PKHD1L1: variants seen among roughly 807,000 people sequenced by gnomAD.
PKHD1L1 encodes the protein PKHD1 like 1.
Under a neutral mutation model 462.9 loss-of-function variants are expected in PKHD1L1, and 434 were observed. That is an observed-to-expected ratio of 0.94 (90% confidence interval 0.87 to 1.02). The LOEUF (loss-of-function observed/expected upper bound fraction) is 1.02. PKHD1L1 is among the 50% of genes least tolerant of loss of function. PKHD1L1 has a pLI of 0.00. For synonymous variants in PKHD1L1, 1,781 were observed against 1,750.0 expected (o/e 1.02, Z -0.44); for missense variants, 5,202 against 5,096.1 (o/e 1.02, Z -0.63).
intron 3 of PKHD1L1, among the ~76,000 whole-genome samples, 166 bp downstream of exon 3, chr8:109,381,680 T>G (rs1812124820): frequency 6.6e-6 from 1 of 152,152 alleles, no homozygotes; most frequent in Non-Finnish European, 1.5e-5. Flanking sequence ...TTTTATGCAT[T>G]TATTATATTC....
Position 109,475,229 on chromosome 8 carries a change from T to TA in PKHD1L1, c.8719dup (p.Thr2907AsnfsTer23). 6.2e-7 allele frequency: 1 copy of TA among 1,610,830 alleles called. No homozygotes were observed. Among genetic ancestry groups the TA allele is most frequent in the South Asian group, 1.1e-5 (1 of 90,828 alleles). On this transcript the variant is annotated frameshift_variant, in exon 51 of 78. Transcript: ENST00000378402. LOFTEE classifies it high-confidence loss of function. Reference sequence around the variant, plus strand: ...TGGTATTTTAAAGGTGTGGATCACATAACCAACATTTCATATACATCGACA... The same window carrying TA: ...TGGTATTTTAAAGGTGTGGATCACATAAACCAACATTTCATATACATCGACA...
At chr8:109,524,873 C>G (rs1030359217) in intron 76 of PKHD1L1, among the ~76,000 whole-genome samples, 1 of 150,730 alleles carries the variant, frequency 6.6e-6, no homozygotes, top group African/African-American at 2.4e-5. Flanking sequence ...CCCTCCCCCT[C>G]TGTCCTCTCT....
chr8:109,507,742 T>C lies in PKHD1L1; in HGVS notation c.11074T>C (p.Phe3692Leu). 6.2e-7 allele frequency: 1 copy of C among 1,613,554 alleles called. No homozygotes were observed. Residue 3692 changes from phenylalanine (F) to leucine (L), a missense_variant, in exon 69 of 78, where the codon TTT becomes CTT. This residue lies in a region of PKHD1L1 where 698 missense variants were observed against 736.3 expected (regional missense o/e 0.95). Transcript: ENST00000378402. ...KSFLRDIDGS[F>L]LGNAGSVIPQ... ...TTTTCTTAGAGACATAGATGGCTCCTTTCTGGGGAATGCTGGTTCTGTGAT... is the reference window on the plus strand; with the variant it reads ...TTTTCTTAGAGACATAGATGGCTCCCTTCTGGGGAATGCTGGTTCTGTGAT...
chr8:109,525,723 A>T (rs1419787294), intron 76 of PKHD1L1, among the ~76,000 whole-genome samples: 2 of 152,094 alleles, frequency 1.3e-5, no homozygotes, highest in Non-Finnish European at 2.9e-5. Flanking sequence ...AAAAATTAAT[A>T]AAAAAATTCA....
intron 67 of PKHD1L1, among the ~76,000 whole-genome samples, chr8:109,503,939 C>T (rs115449690): frequency 0.025 from 3,752 of 152,098 alleles, 140 homozygotes; most frequent in African/African-American, 0.084. Context: ...TTAGCTGGGG[C>T]GATAGGAGTG....
At chr8:109,398,865 A>G (rs1813109077) in intron 12 of PKHD1L1, among the ~76,000 whole-genome samples, 1 of 152,158 alleles carries the variant, frequency 6.6e-6, no homozygotes, top group African/African-American at 2.4e-5. Context: ...GGTATAGTCT[A>G]CATAGAAATT....
rs1203636458 is a variant in PKHD1L1 at position 109,443,841 on chromosome 8, C to G, written c.4730C>G (p.Thr1577Arg). The stretch of plus-strand genomic sequence containing the variant: ...AGCAACATTACTCCGTCCACTGGAA[C>G]AGTAAATGAACTAATAACAATTATT... ...SISNITPSTG[T>R]VNELITIIGH... Residue 1577 changes from threonine to arginine, a missense_variant, in exon 37 of 78, where the codon ACA (threonine) becomes AGA (arginine). Physicochemically the swap from Thr to Arg is moderately conservative, Grantham distance 71. Transcript: ENST00000378402. The G allele has an allele frequency of 6.2e-7, 1 of 1,613,842 alleles. No individual in the cohort carries two copies. The highest frequency in any genetic ancestry group is 8.5e-7 in the Non-Finnish European group (1 of 1,179,756).
At chr8:109,471,025 G>A (rs1817688236) in intron 50 of PKHD1L1, 2 of 1,607,446 alleles carry the variant, frequency 1.2e-6, no homozygotes, top group Admixed American at 3.3e-5. Flanking sequence ...CACCACTTAA[G>A]TCAATACAGG....
At chr8:109,419,343 GGATA>G in intron 22 of PKHD1L1, 83 bp downstream of exon 22, 2 of 1,054,508 alleles carry the variant, frequency 1.9e-6, no homozygotes, top group Admixed American at 3.0e-5. Context: ...TCTGCAGTAT[GGATA>G]GAAACATTAA....
In PKHD1L1 at chr8:109,523,307, C is replaced by T; in HGVS notation, c.12405C>T (p.Val4135=). 2 of 1,612,014 alleles carry T rather than the reference C, an allele frequency of 1.2e-6. No homozygotes were observed. The highest frequency in any genetic ancestry group is 1.7e-6 in the Non-Finnish European group (2 of 1,178,740). The stretch of plus-strand genomic sequence containing the variant: ...TCAAGGACTCCAATAATAACCAAGT[C>T]AATGGCCTTAGTGGAAATACAACAA... ...AILKDSNNNQ[V]NGLSGNTTIP... Residue 4135 remains valine, a synonymous_variant, in exon 76 of 78, where the codon GTC becomes GTT. Coordinates refer to ENST00000378402, the MANE Select transcript of PKHD1L1 (RefSeq NM_177531.6).
chr8:109,400,640 A>G (rs1263446261), intron 13 of PKHD1L1, among the ~76,000 whole-genome samples: 2 of 152,062 alleles, frequency 1.3e-5, no homozygotes, highest in East Asian at 3.8e-4. Flanking sequence ...ATTTAATTTC[A>G]TATGTAGTTT....
At chr8:109,454,119 T>C in intron 43 of PKHD1L1, 48 bp from the exon 44 acceptor site, 1 of 1,236,430 alleles carries the variant, frequency 8.1e-7, no homozygotes, top group Non-Finnish European at 1.1e-6. Context: ...AGGTAACTTT[T>C]AACAAGATTT....
At chr8:109,390,540 G>A in intron 9 of PKHD1L1, 46 bp downstream of exon 9, 1 of 1,086,898 alleles carries the variant, frequency 9.2e-7, no homozygotes, top group Admixed American at 3.0e-5. Context: ...ATTCAACAGG[G>A]TAAATAAGAT....
rs745786494 is a variant in PKHD1L1, at chr8:109,454,757, C to T, written c.6779C>T (p.Ala2260Val). 1.2e-5 allele frequency: 20 copies of T among 1,613,686 alleles called. No individual in the cohort carries two copies. In the African/African-American group the frequency reaches 2.3e-4, roughly 18 times the overall value. The change falls in exon 45 of 78, where the codon GCT becomes GTT. Residue 2260 changes from alanine (A) to valine (V), a missense_variant. Physicochemically the swap from Ala to Val is moderately conservative, Grantham distance 64. Transcript: ENST00000378402. ...GTETSPFQHK[A>V]VITLHGHLRS... ...GAGACATCCCCATTCCAACACAAGG[C>T]TGTCATTACCTTGCATGGTCACCTG...
In PKHD1L1 at chr8:109,535,150, G is replaced by A. The variant is rs1044687787; in HGVS notation, c.*5060G>A. Among the ~76,000 whole-genome samples, 20 of 151,792 alleles carry A rather than the reference G, an allele frequency of 1.3e-4. No homozygotes were observed. The highest frequency in any genetic ancestry group is 4.8e-4 in the African/African-American group (20 of 41,288). ...TAGCAGTGTATAAAATTCACACCCAGTTATAGACTGAGTAATTATAGTTGC... is the reference window on the plus strand; with the variant it reads ...TAGCAGTGTATAAAATTCACACCCAATTATAGACTGAGTAATTATAGTTGC... On this transcript the variant is annotated 3_prime_UTR_variant, in exon 78 of 78. Transcript: ENST00000378402.
intron 73 of PKHD1L1, among the ~76,000 whole-genome samples, chr8:109,521,177 G>A (rs1192699084): frequency 1.3e-5 from 2 of 152,150 alleles, no homozygotes; most frequent in Non-Finnish European, 2.9e-5. Flanking sequence ...ATAGTGTCAT[G>A]TCAGACCTGC....
intron 2 of PKHD1L1, among the ~76,000 whole-genome samples, chr8:109,377,116 T>C (rs1229768987): frequency 2.0e-5 from 3 of 152,250 alleles, no homozygotes; most frequent in African/African-American, 4.8e-5. Context: ...CACAGATATC[T>C]TCTGGCAACC....
intron 21 of PKHD1L1, among the ~76,000 whole-genome samples, chr8:109,417,673 C>T (rs1413083849): frequency 6.6e-6 from 1 of 152,126 alleles, no homozygotes; most frequent in African/African-American, 2.4e-5. Context: ...CCTCGGCCTC[C>T]TGAGTAGCTG....
rs1811778463 is a variant in PKHD1L1 at position 109,375,651 on chromosome 8, G to T, written c.164-5719G>T. Among the ~76,000 whole-genome samples, 3 of 152,244 alleles carry T rather than the reference G, an allele frequency of 2.0e-5. No individual in the cohort carries two copies. The South Asian group carries it at 6.2e-4, about 32-fold the overall frequency. Reference sequence around the variant, plus strand: ...GTGGTTTTATCTACCTTTGGTCTTTGATGATGGTGACGTACAGATGGGTTT... The same window carrying T: ...GTGGTTTTATCTACCTTTGGTCTTTTATGATGGTGACGTACAGATGGGTTT... On this transcript the variant is annotated intron_variant, in intron 2 of 77. Transcript: ENST00000378402.
Sources: allele counts gnomAD v4.1 joint callset (sites outside exome capture counted in the v4.1 genomes callset), GRCh38; gene constraint gnomAD v4.1.1; regional missense constraint gnomAD v4.1.1; transcripts MANE v1.5; gene names NCBI Gene and HGNC (gene_info 2026-07-23, HGNC 2026-07-21).